Variants in PIK3CA observed in about 807,000 individuals in gnomAD.
PIK3CA encodes phosphatidylinositol 4,5-bisphosphate 3-kinase catalytic subunit alpha isoform.
In PIK3CA, 27 loss-of-function variants were observed where a neutral mutation model predicts 138.2. That is an observed-to-expected ratio of 0.20 (90% CI 0.14 to 0.27). PIK3CA has a LOEUF of 0.27. Among genes scored for constraint, PIK3CA ranks in the 10% least tolerant of loss-of-function variants. The pLI is 1.00. For synonymous variants in PIK3CA, 358 were observed against 413.2 expected, an observed-to-expected ratio of 0.87 and a Z score of 1.62; for missense variants, 544 against 1,277.4, an observed-to-expected ratio of 0.43 and a Z score of 8.75.
intron 3 of PIK3CA, among the ~76,000 whole-genome samples, chr3:179,200,502 T>A (rs546117770): frequency 2.0e-5 from 3 of 152,260 alleles, no homozygotes; most frequent in South Asian, 4.1e-4. Flanking sequence ...GAGTTAACTC[T>A]CACACACTAT....
chr3:179,205,985 A>G (rs552625817), intron 6 of PIK3CA, among the ~76,000 whole-genome samples: 1 of 152,220 alleles, frequency 6.6e-6, no homozygotes, highest in South Asian at 2.1e-4. Flanking sequence ...TGTCTGCCAC[A>G]GGGAAGGAAG....
At chr3:179,224,291 T>G (rs1725033088) in intron 15 of PIK3CA, 104 bp downstream of exon 15, 1 of 594,198 alleles carries the variant, frequency 1.7e-6, no homozygotes, top group South Asian at 2.4e-5. Context: ...GTTCAATAAT[T>G]TATGCTTCTC....
chr3:179,188,267 G>T (rs1724042254), intron 1 of PIK3CA, among the ~76,000 whole-genome samples: 1 of 152,216 alleles, frequency 6.6e-6, no homozygotes, highest in East Asian at 1.9e-4. Flanking sequence ...AAAAGCTCAA[G>T]TCACTAGTTA....
At chr3:179,162,447 G>A (rs1723308199) in intron 1 of PIK3CA, among the ~76,000 whole-genome samples, 1 of 152,080 alleles carries the variant, frequency 6.6e-6, no homozygotes, top group Admixed American at 6.5e-5. Flanking sequence ...CTGGGCTCGA[G>A]CAGTCTGCCT....
intron 1 of PIK3CA, among the ~76,000 whole-genome samples, chr3:179,181,914 G>T (rs1723856058): frequency 6.6e-6 from 1 of 152,052 alleles, no homozygotes; most frequent in African/African-American, 2.4e-5. Flanking sequence ...ACCATGTCAG[G>T]ATACTCCATC....
In PIK3CA at chr3:179,230,382, C is replaced by T. The variant is rs547967000; in HGVS notation, c.2936+6C>T. 26 of 1,577,974 alleles carry T rather than the reference C, an allele frequency of 1.6e-5. No individual in the cohort carries two copies. In the South Asian group the frequency reaches 2.8e-4, roughly 17 times the overall value. ...AAGACAAGAGAATTTGAGAGGTGAG[C>T]TCGAGCAATTAAAAACACAAAATAA... On this transcript the variant is annotated splice_donor_region_variant and intron_variant, in intron 20 of 20. Transcript: ENST00000263967. The surrounding 1 kb of genome is among the most constrained non-coding windows in gnomAD (Gnocchi z 5.4).
intron 6 of PIK3CA, among the ~76,000 whole-genome samples, chr3:179,204,881 C>T (rs377531264): frequency 8.6e-5 from 13 of 151,398 alleles, no homozygotes; most frequent in Non-Finnish European, 1.3e-4. Flanking sequence ...ATTAGCCGGG[C>T]GTGGTGGCGG....
rs772020209 is a variant in PIK3CA at position 179,210,243 on chromosome 3, G to A, written c.1309G>A (p.Val437Ile). The part of the protein sequence containing the change: ...INLFDYTDTL[V>I]SGKMALNLWP... ...CTTGTTTGATTACACAGACACTCTAGTATCTGGAAAAATGGCTTTGAATCT... is the reference window on the plus strand; with the variant it reads ...CTTGTTTGATTACACAGACACTCTAATATCTGGAAAAATGGCTTTGAATCT... The change falls in exon 8 of 21, where the codon GTA (valine) becomes ATA (isoleucine). Residue 437 changes from valine (V) to isoleucine (I), a missense_variant. Transcript: ENST00000263967. The A allele has an allele frequency of 1.3e-6, 2 of 1,597,526 alleles. No homozygotes were observed. Among genetic ancestry groups the A allele is most frequent in the African/African-American group, 1.4e-5 (1 of 73,792 alleles).
intron 14 of PIK3CA, among the ~76,000 whole-genome samples, chr3:179,223,535 A>G (rs13320527): frequency 0.1 from 15,276 of 152,184 alleles, 1,194 homozygotes; most frequent in African/African-American, 0.21. Flanking sequence ...CAGCAAAGAG[A>G]GTATGAATGC....
At chr3:179,168,196 G>A (rs1723465729) in intron 1 of PIK3CA, among the ~76,000 whole-genome samples, 1 of 152,160 alleles carries the variant, frequency 6.6e-6, no homozygotes, top group Non-Finnish European at 1.5e-5. Flanking sequence ...TCAATTAAGT[G>A]CCTTAGAATT....
chr3:179,192,560 G>A (rs771107134), intron 1 of PIK3CA, among the ~76,000 whole-genome samples: 1 of 152,212 alleles, frequency 6.6e-6, no homozygotes, highest in African/African-American at 2.4e-5. Context: ...GCACTTATGC[G>A]GTTGATACCA....
intron 20 of PIK3CA, among the ~76,000 whole-genome samples, chr3:179,233,832 C>T (rs1329332121): frequency 7.2e-5 from 11 of 152,100 alleles, no homozygotes; most frequent in Non-Finnish European, 1.5e-4. Flanking sequence ...ACATTTAATA[C>T]TTATTAAACT....
intron 1 of PIK3CA, among the ~76,000 whole-genome samples, chr3:179,179,192 C>CA (rs1448732188): frequency 1.3e-5 from 2 of 152,252 alleles, no homozygotes; most frequent in Non-Finnish European, 2.9e-5. Flanking sequence ...CTAAGTATAA[C>CA]AAAAATTGAT....
At chr3:179,185,434 A>G (rs1290705391) in intron 1 of PIK3CA, among the ~76,000 whole-genome samples, 1 of 152,256 alleles carries the variant, frequency 6.6e-6, no homozygotes, top group Non-Finnish European at 1.5e-5. Flanking sequence ...CAAGAAGTAT[A>G]TGGGGATTTC....
chr3:179,160,610 T>A (rs1258087197), intron 1 of PIK3CA, among the ~76,000 whole-genome samples: 1 of 152,224 alleles, frequency 6.6e-6, no homozygotes, highest in East Asian at 1.9e-4. Context: ...CTCTTTGATA[T>A]ACACACGTGT....
intron 9 of PIK3CA, among the ~76,000 whole-genome samples, chr3:179,216,823 TAAA>T (rs1724846063): frequency 6.6e-6 from 1 of 152,124 alleles, no homozygotes; most frequent in Non-Finnish European, 1.5e-5. Flanking sequence ...TGTAAACAAA[TAAA>T]AATAAGTAAA....
chr3:179,183,279 G>A (rs2108372406), intron 1 of PIK3CA, among the ~76,000 whole-genome samples: 1 of 152,208 alleles, frequency 6.6e-6, no homozygotes, highest in African/African-American at 2.4e-5. Flanking sequence ...TAAAGTTATT[G>A]TTTGGTCTTT....
chr3:179,161,172 G>A (rs556596185), intron 1 of PIK3CA, among the ~76,000 whole-genome samples: 17 of 152,286 alleles, frequency 1.1e-4, no homozygotes, highest in African/African-American at 4.1e-4. Context: ...ACACAGAGCA[G>A]ATAGGACAAA....
chr3:179,198,716 C>G lies in PIK3CA; in HGVS notation c.-76-34C>G, dbSNP rs116535529. On this transcript the variant is annotated intron_variant, in intron 1 of 20. Transcript: ENST00000263967. ...TAAATGTATTCTTCTGTAGTTGTGTCTCTTTTAACATATGTTTTCCTTCTT... is the reference window on the plus strand; with the variant it reads ...TAAATGTATTCTTCTGTAGTTGTGTGTCTTTTAACATATGTTTTCCTTCTT... 572 of 575,700 alleles carry G rather than the reference C, an allele frequency of 9.9e-4. 1 individual carries two copies. The highest frequency in any genetic ancestry group is 9.8e-3 in the African/African-American group (520 of 52,990). 35.7% of individuals were successfully genotyped at this position (575,700 alleles called of 1,614,324 possible). A position where few individuals can be genotyped will look rare whatever the true frequency, so the allele number is the denominator to read the frequency against.
Sources: allele counts gnomAD v4.1 joint callset (sites outside exome capture counted in the v4.1 genomes callset), GRCh38; gene constraint gnomAD v4.1.1; non-coding constraint Gnocchi (gnomAD v3.1); transcripts MANE v1.5; gene names NCBI Gene and HGNC (gene_info 2026-07-23, HGNC 2026-07-21).